The following DCAF1 variants were observed in gnomAD, a reference collection of about 807,000 sequenced individuals.
The protein encoded by DCAF1 is DDB1- and CUL4-associated factor 1.
Under a neutral mutation model 128.0 loss-of-function variants are expected in DCAF1, and 15 were observed. The observed-to-expected ratio is 0.12, with a 90% confidence interval of 0.08 to 0.18. DCAF1 has a LOEUF of 0.18. Ranked by LOEUF, DCAF1 falls within the 10% of genes least tolerant of loss-of-function variation. The pLI is 1.00. For missense variants in DCAF1, 988 were observed against 1,649.5 expected (o/e 0.60, Z 6.95); for synonymous variants, 610 against 603.0 (o/e 1.01, Z -0.17).
chr3:51,441,217 A>C (rs1701329399), intron 8 of DCAF1, 146 bp from the exon 9 acceptor site: 1 of 1,182,300 alleles, frequency 8.5e-7, no homozygotes, highest in Non-Finnish European at 1.2e-6. Context: ...CACTTTAATC[A>C]AATAGACCAT....
intron 3 of DCAF1, among the ~76,000 whole-genome samples, chr3:51,475,807 G>A (rs1465796423): frequency 6.6e-6 from 1 of 152,050 alleles, no homozygotes; most frequent in African/African-American, 2.4e-5. Context: ...CTTGCAGTGA[G>A]CCGAGATTGC....
At chr3:51,454,645 G>C (rs1257927382) in intron 6 of DCAF1, among the ~76,000 whole-genome samples, 1 of 152,090 alleles carries the variant, frequency 6.6e-6, no homozygotes, top group Non-Finnish European at 1.5e-5. Flanking sequence ...TTACAGGCGT[G>C]AGCCACGACG....
intron 2 of DCAF1, among the ~76,000 whole-genome samples, chr3:51,493,841 A>G (rs917923628): frequency 2.0e-5 from 3 of 151,874 alleles, no homozygotes; most frequent in Non-Finnish European, 4.4e-5. Flanking sequence ...TACTGAAAGT[A>G]CAAAAATTAG....
At chr3:51,424,603 A>C (rs1553633612) in intron 13 of DCAF1, among the ~76,000 whole-genome samples, 1 of 152,194 alleles carries the variant, frequency 6.6e-6, no homozygotes. Context: ...CCATTTATTT[A>C]ATAGCCAAAA....
At chr3:51,403,480 G>A in intron 23 of DCAF1, 85 bp from the exon 24 acceptor site, 2 of 1,509,782 alleles carry the variant, frequency 1.3e-6, no homozygotes, top group Non-Finnish European at 8.9e-7. Flanking sequence ...AAAGAGACAG[G>A]GTAGGAAACT....
At chr3:51,430,764 C>T (rs1700297687) in intron 10 of DCAF1, among the ~76,000 whole-genome samples, 1 of 152,092 alleles carries the variant, frequency 6.6e-6, no homozygotes, top group Admixed American at 6.6e-5. Flanking sequence ...AAAAGACTAC[C>T]TATCTTGCAT....
At chr3:51,419,339 C>T (rs1298600328) in intron 15 of DCAF1, among the ~76,000 whole-genome samples, 1 of 149,922 alleles carries the variant, frequency 6.7e-6, no homozygotes, top group Non-Finnish European at 1.5e-5. Context: ...CCAGCCTGGG[C>T]GATAGAGAGA....
intron 10 of DCAF1, among the ~76,000 whole-genome samples, chr3:51,430,759 ACTAC>A (rs1356693729): frequency 6.6e-6 from 1 of 152,238 alleles, no homozygotes; most frequent in East Asian, 1.9e-4. Flanking sequence ...CTCCCAAAAG[ACTAC>A]CTATCTTGCA....
At chr3:51,460,425 G>C (rs181859188) in intron 6 of DCAF1, among the ~76,000 whole-genome samples, 2 of 152,264 alleles carry the variant, frequency 1.3e-5, no homozygotes, top group Admixed American at 6.5e-5. Flanking sequence ...ACAAACAAAT[G>C]GAAGAACGTT....
At chr3:51,415,629 T>G (rs1698809947) in intron 18 of DCAF1, among the ~76,000 whole-genome samples, 1 of 152,172 alleles carries the variant, frequency 6.6e-6, no homozygotes, top group Non-Finnish European at 1.5e-5. Context: ...ACTTGGTTAC[T>G]CAGGCTGGAG....
chr3:51,412,109 TAAAAA>T (rs782087400), intron 23 of DCAF1, among the ~76,000 whole-genome samples: 18 of 29,460 alleles, frequency 6.1e-4, no homozygotes, highest in Admixed American at 3.4e-3. Flanking sequence ...AACTCCATTC[TAAAAA>T]AAAAAAAAAA....
At chr3:51,462,251 G>A (rs1553644783) in intron 6 of DCAF1, among the ~76,000 whole-genome samples, 1 of 151,510 alleles carries the variant, frequency 6.6e-6, no homozygotes, top group African/African-American at 2.4e-5. Context: ...GTGAAACGCT[G>A]TCTCTACTAA....
chr3:51,437,697 C>T (rs1700979931), intron 9 of DCAF1, among the ~76,000 whole-genome samples: 2 of 151,906 alleles, frequency 1.3e-5, no homozygotes, highest in South Asian at 2.1e-4. Flanking sequence ...CACCTGCAGT[C>T]CAAGCTACTT....
At chr3:51,505,437 G>C in the DCAF1 span, among the ~76,000 whole-genome samples, 1 of 152,212 alleles carries the variant, frequency 6.6e-6, no homozygotes, top group African/African-American at 2.4e-5. Flanking sequence ...GATGTTGCCA[G>C]ATACAGCCTG....
chr3:51,469,614 G>A (rs970163571), intron 4 of DCAF1, among the ~76,000 whole-genome samples: 11 of 151,996 alleles, frequency 7.2e-5, no homozygotes, highest in African/African-American at 1.4e-4. Flanking sequence ...CTTCAGCTTT[G>A]CCCACTGGTG....
chr3:51,436,008 C>T (rs1553636603), intron 9 of DCAF1, among the ~76,000 whole-genome samples: 2 of 152,188 alleles, frequency 1.3e-5, no homozygotes, highest in African/African-American at 4.8e-5. Context: ...CGACCTTGGT[C>T]CCAGAGTCTT....
chr3:51,399,162 G>A lies in DCAF1; in HGVS notation c.4466-335C>T, dbSNP rs1038671069. Among the ~76,000 whole-genome samples the A allele has an allele frequency of 5.9e-5, 9 of 152,350 alleles. No individual in the cohort carries two copies. The South Asian group carries it at 1.2e-3, about 21-fold the overall frequency. The stretch of plus-strand genomic sequence containing the variant: ...ATGGCTGCAAAGGGGCAGAGCTGAC[G>A]GGAGCAGTGAGTAAGCCTCCATGGC... On this transcript the variant is annotated intron_variant, in intron 24 of 24. Coordinates refer to ENST00000684031, the MANE Select transcript of DCAF1 (RefSeq NM_001387579.1).
At chr3:51,452,711 C>T (rs192861272) in intron 6 of DCAF1, among the ~76,000 whole-genome samples, 3 of 152,058 alleles carry the variant, frequency 2.0e-5, no homozygotes, top group Non-Finnish European at 2.9e-5. Flanking sequence ...CAAAAAGCCC[C>T]GTTAAATCAT....
intron 2 of DCAF1, among the ~76,000 whole-genome samples, chr3:51,493,434 A>G (rs1045289503): frequency 2.0e-5 from 3 of 151,538 alleles, no homozygotes; most frequent in Non-Finnish European, 4.4e-5. Flanking sequence ...AATGAGCGCA[A>G]AACTCCATCT....
Sources: allele counts gnomAD v4.1 joint callset (sites outside exome capture counted in the v4.1 genomes callset), GRCh38; gene constraint gnomAD v4.1.1; transcripts MANE v1.5; gene names NCBI Gene and HGNC (gene_info 2026-07-23, HGNC 2026-07-21).